The following TTF2 variants were observed in gnomAD, a reference collection of about 807,000 sequenced individuals.
The protein encoded by TTF2 is RNA polymerase II termination factor.
TTF2 carries 108 observed loss-of-function variants against 142.4 expected under a neutral mutation model. The observed-to-expected ratio is 0.76, with a 90% CI of 0.65 to 0.89. The LOEUF is 0.89. TTF2 is among the 40% of genes least tolerant of loss of function. The pLI is 0.00. For missense variants in TTF2, 1,327 were observed against 1,379.8 expected (o/e 0.96, Z 0.61); for synonymous variants, 483 against 506.2 (o/e 0.95, Z 0.61).
Position 117,075,284 on chromosome 1 carries a change from G to A in TTF2, c.700G>A (p.Ala234Thr), listed in dbSNP as rs756021675. Residue 234 changes from alanine to threonine, a missense_variant, in exon 5 of 23, where the codon GCA becomes ACA. By Grantham distance (58) the Ala-to-Thr change is moderately conservative (BLOSUM62 0). Coordinates refer to ENST00000369466, the MANE Select transcript of TTF2 (RefSeq NM_003594.4). The surrounding 1 kb of genome is among the most constrained non-coding windows in gnomAD (Gnocchi z 4.5). ...AGGTAATGAGCTTACAAGACCATCT[G>A]CATCTTCTCAGGAGAAATCAAGTGG... ...CQGNELTRPS[A>T]SSQEKSSGKS... is the part of the protein sequence containing the mutation. The A allele has an allele frequency of 6.2e-6, 10 of 1,614,206 alleles. 1 individual carries two copies. The South Asian group carries it at 9.9e-5, about 16-fold the overall frequency.
At position 117,105,825 on chromosome 1, in the gene TTF2, T is replaced by TATCA. The variant is rs1437715593; in HGVS notation, c.*4305_*4308dup. 4 of 152,334 alleles carry TATCA rather than the reference T, an allele frequency of 2.6e-5. No homozygotes were observed. In the South Asian group the frequency reaches 6.2e-4, roughly 24 times the overall value. The allele number at this position is 152,334 out of a possible 1,614,324, so 9.4% of individuals were successfully genotyped here. A position where few individuals can be genotyped will look rare whatever the true frequency, so the allele number is the denominator to read the frequency against. The stretch of plus-strand genomic sequence containing the variant: ...GTTTATGGGAGGTGACTTATTTCTC[T>TATCA]ATCAATCCTGTGAGTGATTTAGCAT... On this transcript the variant is annotated 3_prime_UTR_variant, in exon 23 of 23. Transcript: ENST00000369466. The surrounding 1 kb of genome is among the most constrained non-coding windows in gnomAD (Gnocchi z 4.7).
chr1:117,083,447 G>T (rs921968237), intron 10 of TTF2, among the ~76,000 whole-genome samples: 2 of 152,034 alleles, frequency 1.3e-5, no homozygotes, highest in Non-Finnish European at 2.9e-5. Context: ...TTTAAAAAAG[G>T]TTTCTGTACT....
At position 117,080,795 on chromosome 1, in the gene TTF2, G is replaced by C. The variant is rs1647433384; in HGVS notation, c.1784-1033G>C. Among the ~76,000 whole-genome samples the C allele has an allele frequency of 6.6e-6, 1 of 152,310 alleles. No homozygotes were observed. Among genetic ancestry groups the C allele is most frequent in the East Asian group, 1.9e-4 (1 of 5,188 alleles). On this transcript the variant is annotated intron_variant, in intron 9 of 22. Coordinates refer to ENST00000369466, the MANE Select transcript of TTF2 (RefSeq NM_003594.4). The surrounding 1 kb of genome is among the most constrained non-coding windows in gnomAD (Gnocchi z 4.3). ...AAAGTCACAGGGGCAGAATCCAGGG[G>C]AAACCAGGTACAAGCTTCCAGTGTC...
intron 3 of TTF2, among the ~76,000 whole-genome samples, chr1:117,067,358 T>C (rs1408877131): frequency 6.6e-6 from 1 of 151,470 alleles, no homozygotes; most frequent in African/African-American, 2.4e-5. Flanking sequence ...ATGGTGAAAC[T>C]CTCTCTACTA....
Position 117,075,496 on chromosome 1 carries a change from C to T in TTF2, c.912C>T (p.Thr304=). 2 of 1,614,094 alleles carry T rather than the reference C, an allele frequency of 1.2e-6. No homozygotes were observed. The highest frequency in any genetic ancestry group is 1.7e-6 in the Non-Finnish European group (2 of 1,179,988). The change falls in exon 5 of 23, where the codon ACC becomes ACT. Residue 304 remains threonine, a synonymous_variant. Coordinates refer to ENST00000369466, the MANE Select transcript of TTF2 (RefSeq NM_003594.4). This position sits in a 1 kb window ranked among gnomAD's most constrained non-coding sequence, Gnocchi z 4.5. ...KAKDGPSIQA[T]QKSLPQGHFQ... ...AGGATGGCCCTAGCATACAGGCCAC[C>T]CAGAAAAGCCTGCCTCAGGGGCATT...
intron 3 of TTF2, among the ~76,000 whole-genome samples, chr1:117,065,443 T>A (rs1488684734): frequency 1.3e-5 from 2 of 151,988 alleles, no homozygotes; most frequent in African/African-American, 2.4e-5. Flanking sequence ...CTAAAAATAC[T>A]AAAAATTAGC....
At chr1:117,095,034 A>T (rs970700636) in intron 18 of TTF2, among the ~76,000 whole-genome samples, 3 of 152,180 alleles carry the variant, frequency 2.0e-5, no homozygotes, top group African/African-American at 7.2e-5. Flanking sequence ...GAACCCAGAG[A>T]AGCAGAGGCT....
Position 117,073,400 on chromosome 1 carries a change from A to G in TTF2, c.219-261A>G, listed in dbSNP as rs1333283483. Among the ~76,000 whole-genome samples the G allele has an allele frequency of 6.6e-6, 1 of 152,188 alleles. No individual in the cohort carries two copies. The highest frequency in any genetic ancestry group is 1.5e-5 in the Non-Finnish European group (1 of 68,030). On this transcript the variant is annotated intron_variant, in intron 3 of 22. Coordinates refer to ENST00000369466, the MANE Select transcript of TTF2 (RefSeq NM_003594.4). This position sits in a 1 kb window ranked among gnomAD's most constrained non-coding sequence, Gnocchi z 4.4. ...GCTGATCAGTGTTTCTATTTCAGTC[A>G]TTCGTTACAGACTAAAAAGAATAAA...
intron 3 of TTF2, among the ~76,000 whole-genome samples, chr1:117,072,548 C>T (rs1428578831): frequency 1.3e-5 from 2 of 151,500 alleles, no homozygotes; most frequent in African/African-American, 4.9e-5. Context: ...CCTCAGCCTC[C>T]TGAGTAGCTG....
At position 117,101,654 on chromosome 1, in the gene TTF2, C is replaced by G. The variant is rs1649594338; in HGVS notation, c.*130C>G. The G allele has an allele frequency of 9.4e-7, 1 of 1,065,876 alleles. No homozygotes were observed. The highest frequency in any genetic ancestry group is 2.7e-5 in the East Asian group (1 of 36,424). The allele number at this position is 1,065,876 out of a possible 1,614,324, so 66.0% of individuals were successfully genotyped here. On this transcript the variant is annotated 3_prime_UTR_variant, in exon 23 of 23. Coordinates refer to ENST00000369466, the MANE Select transcript of TTF2 (RefSeq NM_003594.4). This position sits in a 1 kb window ranked among gnomAD's most constrained non-coding sequence, Gnocchi z 5.9. The stretch of plus-strand genomic sequence containing the variant: ...TTTCACCGTCAAGCCTTTCACCTTC[C>G]TCAAAATGAGGCATAATCTTATCCC...
At chr1:117,084,430 A>G (rs2801937) in intron 11 of TTF2, among the ~76,000 whole-genome samples, 134,469 of 152,268 alleles carry the variant, frequency 0.88, 59,746 homozygotes, top group East Asian at 1. Context: ...CATTCAGGTG[A>G]CAGCAGCATT....
chr1:117,091,284 G>A, intron 15 of TTF2, 44 bp from the exon 16 acceptor site: 1 of 1,545,620 alleles, frequency 6.5e-7, no homozygotes, highest in East Asian at 2.3e-5. Context: ...GCAGGTCTTA[G>A]TGACCATTAT....
chr1:117,098,431 C>T lies in TTF2; in HGVS notation c.3270-402C>T, dbSNP rs1570888314. ...GGTTAAATAACTTGCCCAAGGACAT[C>T]TAGCTACCTAGAGACCAGACCTGAG... is the stretch of plus-strand genomic sequence containing the variant. On this transcript the variant is annotated intron_variant, in intron 21 of 22. Coordinates refer to ENST00000369466, the MANE Select transcript of TTF2 (RefSeq NM_003594.4). 2.0e-5 allele frequency: 3 copies of T among 153,774 alleles called. No homozygotes were observed. The Admixed American group carries it at 2.0e-4, about 10-fold the overall frequency. The allele number at this position is 153,774 out of a possible 1,614,324, so 9.5% of individuals were successfully genotyped here. A position where few individuals can be genotyped will look rare whatever the true frequency, so the allele number is the denominator to read the frequency against.
In TTF2 at chr1:117,096,219, T is replaced by G. The variant is rs148752375; in HGVS notation, c.3106T>G (p.Tyr1036Asp). 2.3e-4 allele frequency: 375 copies of G among 1,614,048 alleles called. No homozygotes were observed. The highest frequency in any genetic ancestry group is 2.9e-4 in the Non-Finnish European group (348 of 1,180,028). ...ALHLKKHGLT[Y>D]ATIDGSVNPK... Reference sequence around the variant, plus strand: ...GCACCTGAAGAAGCATGGACTGACTTATGCCACCATCGATGGCTCTGTCAA... The same window carrying G: ...GCACCTGAAGAAGCATGGACTGACTGATGCCACCATCGATGGCTCTGTCAA... The change falls in exon 20 of 23, where the codon TAT becomes GAT. Residue 1036 changes from tyrosine to aspartate, a missense_variant. Physicochemically the swap from Tyr to Asp is radical, Grantham distance 160. Coordinates refer to ENST00000369466, the MANE Select transcript of TTF2 (RefSeq NM_003594.4).
intron 3 of TTF2, among the ~76,000 whole-genome samples, chr1:117,066,018 G>A (rs1475787200): frequency 7.8e-5 from 2 of 25,492 alleles, no homozygotes; most frequent in African/African-American, 3.5e-4. Flanking sequence ...TTTTTTTTTT[G>A]TAGAGACACG....
Position 117,062,368 on chromosome 1 carries a change from A to T in TTF2, c.132-19A>T. ...TGTTCCTGACCTAAAAATGTTTTCA[A>T]CTTTTTTCTTTTCTCTAGCATTCCT... On this transcript the variant is annotated intron_variant, in intron 2 of 22. Coordinates refer to ENST00000369466, the MANE Select transcript of TTF2 (RefSeq NM_003594.4). 1 of 1,608,802 alleles carries T rather than the reference A, an allele frequency of 6.2e-7. No homozygotes were observed. Among genetic ancestry groups the T allele is most frequent in the Non-Finnish European group, 8.5e-7 (1 of 1,178,152 alleles).
At chr1:117,067,679 A>G (rs1483566131) in intron 3 of TTF2, among the ~76,000 whole-genome samples, 3 of 152,252 alleles carry the variant, frequency 2.0e-5, no homozygotes, top group African/African-American at 7.2e-5. Flanking sequence ...AGATAAGTCT[A>G]TATATGGATG....
chr1:117,093,381 A>G lies in TTF2; in HGVS notation c.2976+480A>G, dbSNP rs1364650363. 6.6e-6 allele frequency among the ~76,000 whole-genome samples: 1 copy of G among 152,186 alleles called. No homozygotes were observed. Among genetic ancestry groups the G allele is most frequent in the Non-Finnish European group, 1.5e-5 (1 of 68,028 alleles). The stretch of plus-strand genomic sequence containing the variant: ...TTAGTCATTCTGCTCTGTTTTCGTC[A>G]GAGCTTTTTAAGGCAGAAACATTCT... On this transcript the variant is annotated intron_variant, in intron 18 of 22. Transcript: ENST00000369466. The surrounding 1 kb of genome is among the most constrained non-coding windows in gnomAD (Gnocchi z 4.5).
chr1:117,073,991 A>G lies in TTF2; in HGVS notation c.285+264A>G, dbSNP rs544138812. 6.6e-6 allele frequency among the ~76,000 whole-genome samples: 1 copy of G among 152,316 alleles called. No homozygotes were observed. The highest frequency in any genetic ancestry group is 1.5e-5 in the Non-Finnish European group (1 of 68,022). On this transcript the variant is annotated intron_variant, in intron 4 of 22. Transcript: ENST00000369466. This position sits in a 1 kb window ranked among gnomAD's most constrained non-coding sequence, Gnocchi z 4.4. The stretch of plus-strand genomic sequence containing the variant: ...AAATGTAGTCAGTATTCTTTTACTC[A>G]AGGAAAAAAATAGATTTCCTTGACT...
Sources: allele counts gnomAD v4.1 joint callset (sites outside exome capture counted in the v4.1 genomes callset), GRCh38; gene constraint gnomAD v4.1.1; non-coding constraint Gnocchi (gnomAD v3.1); transcripts MANE v1.5; gene names NCBI Gene and HGNC (gene_info 2026-07-23, HGNC 2026-07-21).